Variants in TCF25 observed in about 807,000 individuals in gnomAD.
TCF25 encodes ribosome quality control complex subunit TCF25.
In TCF25, 41 loss-of-function variants were observed where a neutral mutation model predicts 83.1. The ratio of observed to expected loss-of-function variants is 0.49; its 90% CI spans 0.38 to 0.64. The LOEUF (loss-of-function observed/expected upper bound fraction) is 0.64. TCF25 is among the 30% of genes least tolerant of loss of function. The pLI is 0.00. For synonymous variants in TCF25, 458 were observed against 365.0 expected (o/e 1.25, Z -2.90); for missense variants, 979 against 914.5 (o/e 1.07, Z -0.91).
chr16:89,889,193 TTTTA>T (rs1431276230), intron 5 of TCF25: 9 of 398,028 alleles, frequency 2.3e-5, no homozygotes, highest in African/African-American at 4.3e-5. Context: ...TTTGTCTTTT[TTTTA>T]TTTATTTATT....
chr16:89,885,977 C>CGCCCTTCTCCGCGGCT lies in TCF25; in HGVS notation c.548+20_548+21insCGCGGCTGCCCTTCTC. 2 of 1,514,078 alleles carry CGCCCTTCTCCGCGGCT rather than the reference C, an allele frequency of 1.3e-6. No individual in the cohort carries two copies. Among genetic ancestry groups the CGCCCTTCTCCGCGGCT allele is most frequent in the Admixed American group, 3.5e-5 (2 of 57,142 alleles). The allele number at this position is 1,514,078 out of a possible 1,614,324, so 93.8% of individuals were successfully genotyped here. A position where few individuals can be genotyped will look rare whatever the true frequency, so the allele number is the denominator to read the frequency against. ...CTACGTGGAGCACAGGTGTGGCCCC[C>CGCCCTTCTCCGCGGCT]GCCCTTCTCTGCGGCTGCCCTTCTC... is the stretch of plus-strand genomic sequence containing the variant. On this transcript the variant is annotated intron_variant, in intron 4 of 17. Transcript: ENST00000263346.
At chr16:89,910,516 C>T (rs1021639654) in intron 16 of TCF25, 75 bp from the exon 17 acceptor site, 9 of 1,510,016 alleles carry the variant, frequency 6.0e-6, no homozygotes, top group Non-Finnish European at 6.4e-6. Context: ...AGCTGGCAGG[C>T]AGCCCCGTGA....
chr16:89,886,031 T>G (rs756481740), intron 4 of TCF25, 65 bp downstream of exon 4: 1 of 1,360,652 alleles, frequency 7.3e-7, no homozygotes, highest in Non-Finnish European at 1.0e-6. Context: ...CGGCTGCCCT[T>G]CTCTGCGGCT....
chr16:89,905,724 C>T (rs1326122393), intron 14 of TCF25, among the ~76,000 whole-genome samples: 1 of 152,224 alleles, frequency 6.6e-6, no homozygotes, highest in Non-Finnish European at 1.5e-5. Context: ...CGCTGGCAGT[C>T]ATGGGCCCGT....
At chr16:89,889,839 C>T (rs11643448) in intron 5 of TCF25, 11,465 of 150,296 alleles carry the variant, frequency 0.076, 642 homozygotes, top group East Asian at 0.26. Context: ...TGTGAGCCAC[C>T]GTGCCTGGTC....
chr16:89,881,823 T>C (rs2042629898), intron 1 of TCF25, among the ~76,000 whole-genome samples: 1 of 152,178 alleles, frequency 6.6e-6, no homozygotes, highest in Non-Finnish European at 1.5e-5. Flanking sequence ...GGCATAATCT[T>C]GGCTCGCTGC....
chr16:89,904,960 C>G lies in TCF25; in HGVS notation c.1492C>G (p.Leu498Val), dbSNP rs1295394690. 2 of 1,608,084 alleles carry G rather than the reference C, an allele frequency of 1.2e-6. No homozygotes were observed. The highest frequency in any genetic ancestry group is 8.5e-7 in the Non-Finnish European group (1 of 1,177,644). ...EISQPPALSQLVNLYLGRSHF... is the reference protein window; with the variant it reads ...EISQPPALSQVVNLYLGRSHF... ...CAGCCAGCCCCCTGCCCTGAGCCAG[C>G]TGGTGAACCTGTACCTTGGGAGGTC... The change falls in exon 14 of 18, where the codon CTG (leucine) becomes GTG (valine). Residue 498 changes from leucine to valine, a missense_variant. By Grantham distance (32) the Leu-to-Val change is conservative (BLOSUM62 1). Transcript: ENST00000263346.
intron 5 of TCF25, among the ~76,000 whole-genome samples, chr16:89,891,909 A>G (rs183372201): frequency 2.3e-4 from 35 of 152,118 alleles, no homozygotes; most frequent in Middle Eastern, 3.4e-3. Context: ...GGTTCAAGAA[A>G]TTCTCCCATC....
chr16:89,890,889 C>CT (rs2144093187), intron 5 of TCF25, among the ~76,000 whole-genome samples: 1 of 151,852 alleles, frequency 6.6e-6, no homozygotes, highest in Non-Finnish European at 1.5e-5. Context: ...AATTTAAGTC[C>CT]TACCAAAAGA....
Position 89,896,076 on chromosome 16 carries a change from G to A in TCF25, c.1015G>A (p.Glu339Lys), listed in dbSNP as rs775558698. 3.7e-6 allele frequency: 6 copies of A among 1,613,392 alleles called. No homozygotes were observed. The highest frequency in any genetic ancestry group is 1.1e-5 in the South Asian group (1 of 91,024). Reference sequence around the variant, plus strand: ...CTGCCGGCTGGATTACCGCAGACCCGAGAACAGGTGAGTGCAGCTGCCCTG... The same window carrying A: ...CTGCCGGCTGGATTACCGCAGACCCAAGAACAGGTGAGTGCAGCTGCCCTG... ...GACRLDYRRP[E>K]NRSFYLALYK... is the part of the protein sequence containing the mutation. Residue 339 changes from glutamate (E) to lysine (K), a missense_variant, in exon 9 of 18, where the codon GAG becomes AAG. Transcript: ENST00000263346.
intron 1 of TCF25, chr16:89,878,339 A>G: frequency 4.3e-6 from 4 of 931,180 alleles, no homozygotes; most frequent in Non-Finnish European, 5.5e-6. Context: ...TAATCCCAGC[A>G]CTGTGGGAGG....
chr16:89,891,212 A>C (rs990003197), intron 5 of TCF25, among the ~76,000 whole-genome samples: 6 of 151,960 alleles, frequency 3.9e-5, no homozygotes, highest in Admixed American at 2.6e-4. Context: ...AGGCTTCCTT[A>C]CTTGTTTTGT....
chr16:89,910,633 C>T lies in TCF25; in HGVS notation c.1842C>T (p.Phe614=), dbSNP rs1166909626. ...ATGGAAACACCATTGCTCTCTTCTT[C>T]CGGTCACTGTTGCCAAACTATACCA... ...ISHGNTIALF[F]RSLLPNYTME... is the part of the protein sequence containing the mutation. The change falls in exon 17 of 18, where the codon TTC becomes TTT. Residue 614 remains phenylalanine (F), a synonymous_variant. Transcript: ENST00000263346. The T allele has an allele frequency of 6.2e-7, 1 of 1,613,660 alleles. No individual in the cohort carries two copies. The highest frequency in any genetic ancestry group is 1.7e-5 in the Admixed American group (1 of 60,028).
chr16:89,909,232 C>T, intron 16 of TCF25: 1 of 1,072,126 alleles, frequency 9.3e-7, no homozygotes, highest in South Asian at 1.5e-5. Context: ...ACTTAGCCAG[C>T]TGGGTGCAGT....
chr16:89,905,766 ATTCTC>A (rs1302698522), intron 14 of TCF25, among the ~76,000 whole-genome samples: 5 of 152,334 alleles, frequency 3.3e-5, no homozygotes, highest in African/African-American at 1.2e-4. Context: ...TGGACTGGAC[ATTCTC>A]ATGGACAGGA....
chr16:89,885,829 G>A lies in TCF25; in HGVS notation c.430-19G>A. ...ATAATGTCAGTGTGGTGATTAAGAG[G>A]TTGTTTTGGGGCTTTTAGGAAAACG... On this transcript the variant is annotated intron_variant, in intron 3 of 17. Transcript: ENST00000263346. The A allele has an allele frequency of 6.3e-7, 1 of 1,578,480 alleles. No individual in the cohort carries two copies. The highest frequency in any genetic ancestry group is 8.7e-7 in the Non-Finnish European group (1 of 1,148,388).
intron 1 of TCF25, among the ~76,000 whole-genome samples, chr16:89,882,835 C>G (rs1322663756): frequency 2.6e-5 from 4 of 152,216 alleles, no homozygotes; most frequent in Admixed American, 2.0e-4. Context: ...GATCCGCCTG[C>G]ATCAACCTCC....
chr16:89,886,133 A>G (rs761010333), intron 4 of TCF25, 167 bp downstream of exon 4: 2 of 653,360 alleles, frequency 3.1e-6, no homozygotes, highest in Non-Finnish European at 5.6e-6. Flanking sequence ...TTTAAAAATC[A>G]TATGAGTTTA....
At chr16:89,887,303 T>TA (rs1000969654) in intron 4 of TCF25, among the ~76,000 whole-genome samples, 198 of 144,886 alleles carry the variant, frequency 1.4e-3, no homozygotes, top group African/African-American at 4.0e-3. Context: ...ATTGCCAGCT[T>TA]AAAAAAAAAA....
Sources: gnomAD v4.1 joint callset for allele counts (sites outside exome capture counted in the v4.1 genomes callset) on GRCh38, gnomAD v4.1.1 for gene constraint, MANE v1.5 for transcripts, NCBI Gene and HGNC (gene_info 2026-07-23, HGNC 2026-07-21) for gene names.